Variants in STX18 observed in about 807,000 individuals in gnomAD.
STX18 encodes the protein syntaxin-18.
STX18 carries 40 observed loss-of-function variants against 50.1 expected under a neutral mutation model. The ratio of observed to expected loss-of-function variants is 0.80; its 90% CI spans 0.62 to 1.04. The LOEUF (loss-of-function observed/expected upper bound fraction) is 1.04. STX18 is among the 50% of genes least tolerant of loss of function. The pLI is 0.00. For synonymous variants in STX18, 158 were observed against 151.8 expected (o/e 1.04, Z -0.30); for missense variants, 410 against 415.8 (o/e 0.99, Z 0.12).
chr4:4,538,663 C>T (rs1022470202), intron 1 of STX18, among the ~76,000 whole-genome samples: 6 of 152,012 alleles, frequency 3.9e-5, no homozygotes, highest in Non-Finnish European at 7.4e-5. Flanking sequence ...AGCTACCCTA[C>T]TTAGCTTGTG....
At chr4:4,502,451 T>C (rs1256492017) in intron 1 of STX18, among the ~76,000 whole-genome samples, 2 of 152,204 alleles carry the variant, frequency 1.3e-5, no homozygotes, top group Non-Finnish European at 2.9e-5. Flanking sequence ...TGAAAATTCA[T>C]GGCATAAAAG....
chr4:4,483,935 C>G (rs970103585), intron 1 of STX18, among the ~76,000 whole-genome samples: 3 of 152,058 alleles, frequency 2.0e-5, no homozygotes, highest in Admixed American at 6.5e-5. Flanking sequence ...GATCTCAGCT[C>G]ACTGCAACCT....
chr4:4,440,702 G>A (rs1254412742), intron 5 of STX18, among the ~76,000 whole-genome samples: 3 of 152,182 alleles, frequency 2.0e-5, no homozygotes, highest in African/African-American at 7.2e-5. Context: ...AGTTTTTTGA[G>A]AGCAGTTTTC....
chr4:4,495,372 G>C (rs1729120357), intron 1 of STX18, among the ~76,000 whole-genome samples: 1 of 151,852 alleles, frequency 6.6e-6, no homozygotes, highest in African/African-American at 2.4e-5. Context: ...TTTCTTTCCT[G>C]TCTTTCTTCT....
At chr4:4,448,476 G>A (rs1019579057) in intron 5 of STX18, among the ~76,000 whole-genome samples, 9 of 152,014 alleles carry the variant, frequency 5.9e-5, no homozygotes, top group Non-Finnish European at 1.3e-4. Context: ...CGAGTAGCTG[G>A]AATTACAGGA....
chr4:4,510,942 GA>G (rs549421830), intron 1 of STX18, among the ~76,000 whole-genome samples: 104 of 150,730 alleles, frequency 6.9e-4, no homozygotes, highest in African/African-American at 2.4e-3. Flanking sequence ...TCATAAGTGG[GA>G]ATTGAACAAG....
upstream of STX18, chr4:4,542,080 G>C (rs1293084901): frequency 8.0e-7 from 1 of 1,244,006 alleles, no homozygotes; most frequent in African/African-American, 1.6e-5. Flanking sequence ...CCCCGGCAAC[G>C]GCGACGCGAG....
chr4:4,538,332 A>C (rs1222311980), intron 1 of STX18, among the ~76,000 whole-genome samples: 2 of 152,202 alleles, frequency 1.3e-5, no homozygotes, highest in Non-Finnish European at 2.9e-5. Flanking sequence ...CATACCTGCC[A>C]CACATCTGCC....
chr4:4,527,458 A>G (rs1039241769), intron 1 of STX18, among the ~76,000 whole-genome samples: 3 of 152,184 alleles, frequency 2.0e-5, no homozygotes, highest in Non-Finnish European at 2.9e-5. Context: ...AGTCTCTTTT[A>G]CATCAAGTGT....
At chr4:4,503,837 C>T (rs1729572558) in intron 1 of STX18, among the ~76,000 whole-genome samples, 4 of 151,862 alleles carry the variant, frequency 2.6e-5, no homozygotes, top group Admixed American at 1.3e-4. Context: ...ATTCAGATTC[C>T]ATGAGATATA....
rs760981833 is a variant in STX18, at chr4:4,420,102, C to G, written c.940G>C (p.Val314Leu). Reference protein sequence around the residue: ...EAIKNNAGFRVWILFFLVMCS... With the variant: ...EAIKNNAGFRLWILFFLVMCS... ...ATCACGAGGAAGAAGAGGATCCACA[C>G]GCGGAAGCCAGCGTTGTTTTTAATG... is the stretch of plus-strand genomic sequence containing the variant. The change falls in exon 11 of 11, where the codon GTG (valine) becomes CTG (leucine). Residue 314 changes from valine to leucine, a missense_variant. Transcript: ENST00000306200. This position sits in a 1 kb window ranked among gnomAD's most constrained non-coding sequence, Gnocchi z 4.3. The G allele has an allele frequency of 1.9e-6, 3 of 1,613,152 alleles. No homozygotes were observed. The highest frequency in any genetic ancestry group is 2.2e-5 in the East Asian group (1 of 44,844).
rs372566368 is a variant in STX18, at chr4:4,527,867, C to CACATAT, written c.168+13929_168+13930insATATGT. Among the ~76,000 whole-genome samples, 990 of 137,198 alleles carry CACATAT rather than the reference C, an allele frequency of 7.2e-3. 5 individuals carry two copies. Among genetic ancestry groups the CACATAT allele is most frequent in the East Asian group, 0.022 (108 of 4,978 alleles). 90.0% of individuals were successfully genotyped at this position (137,198 alleles called of 152,430 possible). On this transcript the variant is annotated intron_variant, in intron 1 of 10. Coordinates refer to ENST00000306200, the MANE Select transcript of STX18 (RefSeq NM_016930.4). Reference sequence around the variant, plus strand: ...ATATATATATACACACACACACACACATATATATATATATTAAAAACTACC... The same window carrying CACATAT: ...ATATATATATACACACACACACACACACATATATATATATATATATTAAAAACTACC...
At chr4:4,421,047 A>G in intron 9 of STX18, 103 bp from the exon 10 acceptor site, 1 of 1,175,936 alleles carries the variant, frequency 8.5e-7, no homozygotes, top group Non-Finnish European at 1.2e-6. Context: ...GTCAGCGCTC[A>G]GAAAGTTTCA....
chr4:4,532,527 G>A (rs564189443), intron 1 of STX18, among the ~76,000 whole-genome samples: 1 of 151,902 alleles, frequency 6.6e-6, no homozygotes, highest in East Asian at 1.9e-4. Flanking sequence ...CAAGGTAATG[G>A]GCAGTTATCA....
intron 2 of STX18, chr4:4,461,939 C>T (rs756409374): frequency 1.1e-5 from 5 of 456,214 alleles, no homozygotes; most frequent in Non-Finnish European, 2.2e-5. Flanking sequence ...CTGTTCCTCT[C>T]TCTCCTATGT....
chr4:4,528,060 C>T (rs899180676), intron 1 of STX18, among the ~76,000 whole-genome samples: 2 of 151,966 alleles, frequency 1.3e-5, no homozygotes, highest in Non-Finnish European at 2.9e-5. Flanking sequence ...GGATGCTAGA[C>T]TTACACAGCG....
chr4:4,469,673 T>C (rs1727813638), intron 2 of STX18, among the ~76,000 whole-genome samples: 2 of 152,200 alleles, frequency 1.3e-5, no homozygotes, highest in South Asian at 2.1e-4. Flanking sequence ...GTGTGAGTGA[T>C]GACATAAAGG....
chr4:4,480,361 C>T (rs113871301), intron 1 of STX18, among the ~76,000 whole-genome samples: 2,331 of 152,284 alleles, frequency 0.015, 52 homozygotes, highest in African/African-American at 0.053. Flanking sequence ...CAGTGCCCTA[C>T]GCTCTGCTGC....
chr4:4,424,865 G>A (rs1356977744), intron 8 of STX18, among the ~76,000 whole-genome samples: 1 of 152,136 alleles, frequency 6.6e-6, no homozygotes, highest in Non-Finnish European at 1.5e-5. Context: ...GAAACAGCCC[G>A]AATGGTGGTG....
Sources: gnomAD v4.1 joint callset for allele counts (sites outside exome capture counted in the v4.1 genomes callset) on GRCh38, gnomAD v4.1.1 for gene constraint, Gnocchi (gnomAD v3.1) non-coding constraint, MANE v1.5 for transcripts, NCBI Gene and HGNC (gene_info 2026-07-23, HGNC 2026-07-21) for gene names.